DNAH6: variants seen among roughly 807,000 people sequenced by gnomAD.
The protein encoded by DNAH6 is dynein axonemal heavy chain 6, also known as axonemal beta dynein heavy chain 6.
Under a neutral mutation model 491.4 loss-of-function variants are expected in DNAH6, and 340 were observed. The ratio of observed to expected loss-of-function variants is 0.69; its 90% CI spans 0.63 to 0.76. The LOEUF (loss-of-function observed/expected upper bound fraction) is 0.76, where lower values mean the gene tolerates loss of function less well. Ranked by LOEUF, DNAH6 falls within the 30% of genes least tolerant of loss-of-function variation. DNAH6 has a pLI of 0.00. For missense variants in DNAH6, 4,443 were observed against 4,972.2 expected (o/e 0.89, Z 3.20); for synonymous variants, 1,603 against 1,686.1 (o/e 0.95, Z 1.21).
At chr2:84,749,662 A>G (rs1673284027) in intron 63 of DNAH6, among the ~76,000 whole-genome samples, 1 of 152,236 alleles carries the variant, frequency 6.6e-6, no homozygotes, top group South Asian at 2.1e-4. Context: ...GTTCAATGGA[A>G]CAGACATGTA....
chr2:84,811,785 C>CAGG (rs1680001258), intron 72 of DNAH6, among the ~76,000 whole-genome samples: 1 of 151,208 alleles, frequency 6.6e-6, no homozygotes, highest in East Asian at 1.9e-4. Context: ...CACTTGAACC[C>CAGG]AGGAGGAGGA....
chr2:84,629,209 G>A (rs1688166322), intron 29 of DNAH6, among the ~76,000 whole-genome samples: 1 of 152,072 alleles, frequency 6.6e-6, no homozygotes, highest in Admixed American at 6.6e-5. Flanking sequence ...GCTACTGTAA[G>A]CAATGCTGCA....
intron 11 of DNAH6, among the ~76,000 whole-genome samples, chr2:84,566,952 G>GTTCACA (rs1558725628): frequency 6.6e-6 from 1 of 151,888 alleles, no homozygotes; most frequent in East Asian, 1.9e-4. Context: ...TAGATCTATG[G>GTTCACA]TTCACATTCT....
rs151022785 is a variant in DNAH6, at chr2:84,619,529, G to A, written c.3573-156G>A. Among the ~76,000 whole-genome samples the A allele has an allele frequency of 7.3e-4, 111 of 152,292 alleles. 1 individual carries two copies. Among genetic ancestry groups the A allele is most frequent in the African/African-American group, 2.5e-3 (102 of 41,568 alleles). On this transcript the variant is annotated intron_variant, in intron 23 of 76. Transcript: ENST00000389394. ...AATTTTCACAGAAATCATGTTTAGA[G>A]ATATGTGGCTTCCCCAGAAACCCAT...
intron 42 of DNAH6, among the ~76,000 whole-genome samples, chr2:84,682,695 A>G (rs1234924501): frequency 6.6e-6 from 1 of 152,156 alleles, no homozygotes; most frequent in Non-Finnish European, 1.5e-5. Flanking sequence ...GAAAACCTCT[A>G]TGCAATCCAC....
At chr2:84,689,523 C>T (rs1294160811) in intron 45 of DNAH6, among the ~76,000 whole-genome samples, 3 of 152,166 alleles carry the variant, frequency 2.0e-5, no homozygotes, top group Non-Finnish European at 2.9e-5. Flanking sequence ...ATCTGGGTTT[C>T]TCAACATGGT....
chr2:84,805,695 A>C lies in DNAH6; in HGVS notation c.11512A>C (p.Ile3838Leu), dbSNP rs1017465801. ...YKETSTLINT[I>L]LEVQPRSSTG... is the part of the protein sequence containing the mutation. Reference sequence around the variant, plus strand: ...AGAGACCAGCACTTTAATCAACACCATACTTGAGGTTCAGCCAAGGTCATC... The same window carrying C: ...AGAGACCAGCACTTTAATCAACACCCTACTTGAGGTTCAGCCAAGGTCATC... Residue 3838 changes from isoleucine to leucine, a missense_variant, in exon 71 of 77, where the codon ATA becomes CTA. Ile to Leu is a conservative substitution (Grantham distance 5). Around this residue, in one of 3 missense-constraint regions of DNAH6, gnomAD observed 1,463 missense variants for 1,656.6 expected, o/e 0.88. Transcript: ENST00000389394. 1 of 1,551,686 alleles carries C rather than the reference A, an allele frequency of 6.4e-7. No homozygotes were observed. Among genetic ancestry groups the C allele is most frequent in the African/African-American group, 1.4e-5 (1 of 73,050 alleles).
At chr2:84,518,508 A>G (rs2104399885) in intron 2 of DNAH6, among the ~76,000 whole-genome samples, 1 of 152,364 alleles carries the variant, frequency 6.6e-6, no homozygotes, top group South Asian at 2.1e-4. Context: ...ATAATTATAA[A>G]CGCATGTAAA....
the DNAH6 span, among the ~76,000 whole-genome samples, chr2:84,505,972 G>A: frequency 2.6e-5 from 4 of 152,156 alleles, no homozygotes; most frequent in Non-Finnish European, 1.5e-5. Flanking sequence ...TGGACATTTG[G>A]GTTGGTTCCA....
chr2:84,755,892 T>C (rs1371134999), intron 63 of DNAH6, among the ~76,000 whole-genome samples: 1 of 152,180 alleles, frequency 6.6e-6, no homozygotes, highest in East Asian at 1.9e-4. Context: ...GAGCAAATCT[T>C]TCCCGTGCTG....
At chr2:84,812,225 T>C in intron 72 of DNAH6, 116 bp from the exon 73 acceptor site, 1 of 827,198 alleles carries the variant, frequency 1.2e-6, no homozygotes, top group Non-Finnish European at 1.9e-6. Flanking sequence ...GCAAAGAGGA[T>C]AGAACCTAGC....
the DNAH6 span, among the ~76,000 whole-genome samples, chr2:84,462,989 C>A: frequency 6.6e-6 from 1 of 152,162 alleles, no homozygotes; most frequent in Non-Finnish European, 1.5e-5. Flanking sequence ...AGAAAACCCC[C>A]AGAGGGAGGA....
intron 74 of DNAH6, 53 bp from the exon 75 acceptor site, chr2:84,813,918 C>G: frequency 6.5e-7 from 1 of 1,537,320 alleles, no homozygotes; most frequent in Admixed American, 2.0e-5. Flanking sequence ...GGAATAGTGC[C>G]TGGGGAGTAG....
chr2:84,688,314 T>C lies in DNAH6; in HGVS notation c.7138-125T>C, dbSNP rs1157297451. On this transcript the variant is annotated intron_variant, in intron 44 of 76. Coordinates refer to ENST00000389394, the MANE Select transcript of DNAH6 (RefSeq NM_001370.2). ...AAAACCCTATTTCTGAGCTCCTATG[T>C]AAATTTTATTGCAAAGACCTTCAAA... 7 of 712,364 alleles carry C rather than the reference T, an allele frequency of 9.8e-6. No homozygotes were observed. In the Admixed American group the frequency reaches 2.8e-4, roughly 28 times the overall value. 44.1% of individuals were successfully genotyped at this position (712,364 alleles called of 1,614,324 possible).
At chr2:84,545,708 C>T (rs780353330) in intron 5 of DNAH6, among the ~76,000 whole-genome samples, 6 of 152,050 alleles carry the variant, frequency 3.9e-5, no homozygotes, top group African/African-American at 9.7e-5. Context: ...TCATTGCAGT[C>T]GTTTAAATAT....
intron 61 of DNAH6, among the ~76,000 whole-genome samples, chr2:84,730,291 C>T (rs959956353): frequency 6.6e-6 from 1 of 152,148 alleles, no homozygotes; most frequent in African/African-American, 2.4e-5. Context: ...TAGGGACAAA[C>T]AGAAAACAAC....
intron 41 of DNAH6, among the ~76,000 whole-genome samples, chr2:84,679,460 G>A (rs546013849): frequency 2.6e-5 from 4 of 152,174 alleles, no homozygotes. Context: ...ACACAACCAG[G>A]TAAATTAAAT....
intron 61 of DNAH6, among the ~76,000 whole-genome samples, chr2:84,730,059 T>G (rs1023647984): frequency 1.3e-5 from 2 of 151,824 alleles, no homozygotes; most frequent in African/African-American, 4.8e-5. Context: ...AAAAGATGAG[T>G]GTCCAGGATG....
intron 35 of DNAH6, among the ~76,000 whole-genome samples, chr2:84,656,714 A>G (rs1691006046): frequency 6.6e-6 from 1 of 152,004 alleles, no homozygotes; most frequent in Admixed American, 6.6e-5. Context: ...TCTTTTGCAA[A>G]TATTTTCTCC....
Sources: gnomAD v4.1 joint callset for allele counts (sites outside exome capture counted in the v4.1 genomes callset) on GRCh38, gnomAD v4.1.1 for gene constraint, gnomAD v4.1.1 regional missense constraint, MANE v1.5 for transcripts, NCBI Gene and HGNC (gene_info 2026-07-23, HGNC 2026-07-21) for gene names.